The following FILIP1 variants were observed in gnomAD, a reference collection of about 807,000 sequenced individuals.
FILIP1 encodes the protein filamin-A-interacting protein 1.
FILIP1 carries 61 observed loss-of-function variants against 102.1 expected under a neutral mutation model. The observed-to-expected ratio is 0.60, with a 90% CI of 0.49 to 0.74. FILIP1 has a LOEUF of 0.74. Ranked by LOEUF, FILIP1 falls within the 30% of genes least tolerant of loss-of-function variation. The pLI is 0.00. For missense variants in FILIP1, 1,314 were observed against 1,441.2 expected, an observed-to-expected ratio of 0.91 and a Z score of 1.43; for synonymous variants, 491 against 526.9, an observed-to-expected ratio of 0.93 and a Z score of 0.93.
chr6:75,372,722 GAGAAAGAGAAAGAAAGAAAGAA>G (rs1304168111), intron 2 of FILIP1, among the ~76,000 whole-genome samples: 12 of 65,934 alleles, frequency 1.8e-4, no homozygotes, highest in African/African-American at 8.0e-4. Flanking sequence ...AGGAAAGAAA[GAGAAAGAGAAAGAAAGAAAGAA>G]AGAAAGAAAG....
intron 4 of FILIP1, among the ~76,000 whole-genome samples, chr6:75,335,808 T>C (rs1451857348): frequency 6.6e-6 from 1 of 152,148 alleles, no homozygotes; most frequent in African/African-American, 2.4e-5. Context: ...TGTTATGGCA[T>C]AGAAAAGAAT....
At chr6:75,335,454 T>A (rs1774210274) in intron 4 of FILIP1, among the ~76,000 whole-genome samples, 1 of 152,012 alleles carries the variant, frequency 6.6e-6, no homozygotes, top group Admixed American at 6.6e-5. Flanking sequence ...GTTGTCCCTC[T>A]TCTCTGTTTT....
intron 2 of FILIP1, among the ~76,000 whole-genome samples, chr6:75,393,236 A>G (rs1282574722): frequency 6.6e-6 from 1 of 152,210 alleles, no homozygotes; most frequent in Non-Finnish European, 1.5e-5. Context: ...AAGTACATAG[A>G]GATGGAATTT....
chr6:75,402,173 A>G (rs1582451415), intron 2 of FILIP1, among the ~76,000 whole-genome samples: 1 of 152,174 alleles, frequency 6.6e-6, no homozygotes, highest in Non-Finnish European at 1.5e-5. Flanking sequence ...TTCTCACTGC[A>G]GGAAAGCCAA....
At chr6:75,394,651 A>G (rs1776402616) in intron 2 of FILIP1, among the ~76,000 whole-genome samples, 1 of 152,208 alleles carries the variant, frequency 6.6e-6, no homozygotes, top group Admixed American at 6.5e-5. Flanking sequence ...AGAAAAAGCA[A>G]TACAAATGTC....
chr6:75,407,723 T>C (rs2149679599), intron 2 of FILIP1, among the ~76,000 whole-genome samples: 1 of 152,208 alleles, frequency 6.6e-6, no homozygotes, highest in African/African-American at 2.4e-5. Context: ...TGCCTCCTTA[T>C]ACACAGGCAG....
At chr6:75,302,619 A>G (rs1772867987) in intron 6 of FILIP1, among the ~76,000 whole-genome samples, 1 of 152,170 alleles carries the variant, frequency 6.6e-6, no homozygotes, top group Admixed American at 6.5e-5. Flanking sequence ...GAGCAAGTCA[A>G]GGAAGGGTGG....
intron 1 of FILIP1, among the ~76,000 whole-genome samples, chr6:75,457,871 T>C (rs897432622): frequency 3.9e-5 from 6 of 152,220 alleles, no homozygotes; most frequent in African/African-American, 1.4e-4. Flanking sequence ...TATTCTAATA[T>C]GGAAAACTCC....
chr6:75,297,160 A>G (rs1772704502), intron 6 of FILIP1, among the ~76,000 whole-genome samples: 1 of 152,160 alleles, frequency 6.6e-6, no homozygotes, highest in Non-Finnish European at 1.5e-5. Context: ...AGGGTTTATC[A>G]ATAACATGAA....
At chr6:75,364,360 G>T (rs970961092) in intron 2 of FILIP1, among the ~76,000 whole-genome samples, 2 of 149,966 alleles carry the variant, frequency 1.3e-5, no homozygotes, top group East Asian at 1.9e-4. Flanking sequence ...ACTTTATTCA[G>T]GAGACACAGC....
intron 1 of FILIP1, among the ~76,000 whole-genome samples, chr6:75,443,569 G>A (rs1778345268): frequency 6.6e-6 from 1 of 152,132 alleles, no homozygotes; most frequent in South Asian, 2.1e-4. Context: ...GCAAACTGGT[G>A]ACCCATTGGC....
At chr6:75,376,812 T>C (rs1174937053) in intron 2 of FILIP1, among the ~76,000 whole-genome samples, 1 of 152,196 alleles carries the variant, frequency 6.6e-6, no homozygotes, top group African/African-American at 2.4e-5. Flanking sequence ...AGCAACTCTG[T>C]GTCAGCTTGT....
At chr6:75,300,991 A>G (rs778628541) in intron 6 of FILIP1, among the ~76,000 whole-genome samples, 1 of 152,252 alleles carries the variant, frequency 6.6e-6, no homozygotes, top group Non-Finnish European at 1.5e-5. Flanking sequence ...GTTCCCATAT[A>G]TAACATTAAC....
intron 1 of FILIP1, among the ~76,000 whole-genome samples, chr6:75,437,569 GCTCA>G (rs1778067159): frequency 6.6e-6 from 1 of 152,134 alleles, no homozygotes; most frequent in African/African-American, 2.4e-5. Flanking sequence ...ATCTCTCCTT[GCTCA>G]CTATGAGGTA....
At chr6:75,438,275 T>A (rs935498420) in intron 1 of FILIP1, among the ~76,000 whole-genome samples, 2 of 152,254 alleles carry the variant, frequency 1.3e-5, no homozygotes, top group Admixed American at 1.3e-4. Flanking sequence ...TGAGCTGTGA[T>A]ATAAATCCAA....
intron 2 of FILIP1, among the ~76,000 whole-genome samples, chr6:75,393,009 C>T (rs1170861882): frequency 1.3e-5 from 2 of 152,156 alleles, no homozygotes; most frequent in African/African-American, 4.8e-5. Flanking sequence ...TTATCAGCAG[C>T]ATGAAAACAG....
At chr6:75,378,551 C>T (rs1293355443) in intron 2 of FILIP1, among the ~76,000 whole-genome samples, 1 of 152,152 alleles carries the variant, frequency 6.6e-6, no homozygotes, top group Non-Finnish European at 1.5e-5. Flanking sequence ...ATCTCTCAGC[C>T]TCCTTGTGAC....
intron 1 of FILIP1, among the ~76,000 whole-genome samples, chr6:75,434,727 G>GAA (rs1487398685): frequency 2.0e-5 from 3 of 152,162 alleles, no homozygotes; most frequent in Admixed American, 6.5e-5. Context: ...ACACTATGTT[G>GAA]AATAGGAGTG....
intron 2 of FILIP1, among the ~76,000 whole-genome samples, chr6:75,369,531 T>C (rs1775447094): frequency 6.6e-6 from 1 of 152,190 alleles, no homozygotes; most frequent in Non-Finnish European, 1.5e-5. Flanking sequence ...AATTATTATG[T>C]CTGACGACAA....
Sources: gnomAD v4.1 joint callset for allele counts (sites outside exome capture counted in the v4.1 genomes callset) on GRCh38, gnomAD v4.1.1 for gene constraint, MANE v1.5 for transcripts, NCBI Gene and HGNC (gene_info 2026-07-23, HGNC 2026-07-21) for gene names.